ZCCHC24: variants seen among roughly 807,000 people sequenced by gnomAD.
ZCCHC24 encodes the protein zinc finger CCHC domain-containing protein 24.
In ZCCHC24, 10 loss-of-function variants were observed where a neutral mutation model predicts 26.2. That is an observed-to-expected ratio of 0.38 (90% CI 0.24 to 0.65). The LOEUF (loss-of-function observed/expected upper bound fraction) is 0.65. Ranked by LOEUF, ZCCHC24 falls within the 30% of genes least tolerant of loss-of-function variation. ZCCHC24 has a pLI of 0.54. For synonymous variants in ZCCHC24, 144 were observed against 147.1 expected, an observed-to-expected ratio of 0.98 and a Z score of 0.15; for missense variants, 243 against 329.1, an observed-to-expected ratio of 0.74 and a Z score of 2.03.
chr10:79,436,713 T>G (rs1226562414), intron 1 of ZCCHC24, among the ~76,000 whole-genome samples: 1 of 152,186 alleles, frequency 6.6e-6, no homozygotes, highest in Non-Finnish European at 1.5e-5. Flanking sequence ...AATTGACAGA[T>G]AGGGTAACAG....
chr10:79,407,784 C>T (rs896060196), intron 2 of ZCCHC24, among the ~76,000 whole-genome samples: 1 of 152,202 alleles, frequency 6.6e-6, no homozygotes, highest in Admixed American at 6.5e-5. Context: ...GGCTCCTCAC[C>T]CCAGGAGCTG....
At chr10:79,390,829 G>A (rs1327192165) in intron 3 of ZCCHC24, among the ~76,000 whole-genome samples, 1 of 152,198 alleles carries the variant, frequency 6.6e-6, no homozygotes, top group Admixed American at 6.5e-5. Flanking sequence ...GGAGAGTGGG[G>A]AAGTGGGGGG....
rs559871256 is a variant in ZCCHC24, at chr10:79,443,596, C to T, written c.246+1599G>A. ...CCACTAGCCTGTGGCTGTGAATCCCCGGGTCCTGCCCAGAGCTCAACAAAT... is the reference window on the plus strand; with the variant it reads ...CCACTAGCCTGTGGCTGTGAATCCCTGGGTCCTGCCCAGAGCTCAACAAAT... On this transcript the variant is annotated intron_variant, in intron 1 of 3. Coordinates refer to ENST00000372336, the MANE Select transcript of ZCCHC24 (RefSeq NM_153367.4). 2.3e-3 allele frequency among the ~76,000 whole-genome samples: 356 copies of T among 152,310 alleles called. 1 individual carries two copies. The highest frequency in any genetic ancestry group is 7.9e-3 in the African/African-American group (328 of 41,554).
intron 2 of ZCCHC24, among the ~76,000 whole-genome samples, chr10:79,418,008 G>A (rs1304577820): frequency 6.6e-6 from 1 of 152,204 alleles, no homozygotes; most frequent in Non-Finnish European, 1.5e-5. Flanking sequence ...CCCAACACAG[G>A]CTCCACCCTG....
At chr10:79,403,583 G>T (rs562364580) in intron 2 of ZCCHC24, 23 of 985,420 alleles carry the variant, frequency 2.3e-5, no homozygotes, top group Non-Finnish European at 2.8e-5. Flanking sequence ...GAGGAAGGAC[G>T]CGGCAAGAGG....
intron 3 of ZCCHC24, among the ~76,000 whole-genome samples, chr10:79,390,710 C>T (rs556345946): frequency 6.6e-6 from 1 of 152,336 alleles, no homozygotes; most frequent in Non-Finnish European, 1.5e-5. Flanking sequence ...GAGGGCCTCC[C>T]CCACTCCCTG....
At chr10:79,402,850 A>G (rs575480140) in intron 2 of ZCCHC24, among the ~76,000 whole-genome samples, 12 of 152,316 alleles carry the variant, frequency 7.9e-5, no homozygotes, top group African/African-American at 2.9e-4. Context: ...TTGAGAGAAA[A>G]TTAAAGAAAA....
chr10:79,411,846 C>A (rs1457230341), intron 2 of ZCCHC24, among the ~76,000 whole-genome samples: 1 of 152,126 alleles, frequency 6.6e-6, no homozygotes, highest in Non-Finnish European at 1.5e-5. Context: ...CCTGCCATCC[C>A]ACTCTGAGAA....
chr10:79,383,975 G>A lies in ZCCHC24; in HGVS notation c.*2370C>T, dbSNP rs1272260241. The stretch of plus-strand genomic sequence containing the variant: ...AACCACACACTTTCCCATCCCCTGG[G>A]CTCCTGGCCCTCTGAGCACTTAATT... On this transcript the variant is annotated 3_prime_UTR_variant, in exon 4 of 4. Transcript: ENST00000372336. 1.3e-5 allele frequency: 2 copies of A among 152,662 alleles called. No homozygotes were observed. The highest frequency in any genetic ancestry group is 2.9e-5 in the Non-Finnish European group (2 of 68,044). 9.5% of individuals were successfully genotyped at this position (152,662 alleles called of 1,614,324 possible).
chr10:79,433,086 G>A (rs1857158322), intron 1 of ZCCHC24, among the ~76,000 whole-genome samples: 1 of 152,218 alleles, frequency 6.6e-6, no homozygotes, highest in African/African-American at 2.4e-5. Context: ...TGATGTTGAT[G>A]ATGGCTATTA....
chr10:79,428,511 A>G (rs1857078108), intron 2 of ZCCHC24, among the ~76,000 whole-genome samples: 1 of 151,920 alleles, frequency 6.6e-6, no homozygotes, highest in African/African-American at 2.4e-5. Flanking sequence ...TGTGGCTGGA[A>G]GGTGGTGATG....
intron 2 of ZCCHC24, among the ~76,000 whole-genome samples, chr10:79,418,332 C>T (rs1376652964): frequency 2.6e-5 from 4 of 152,220 alleles, no homozygotes; most frequent in African/African-American, 9.7e-5. Flanking sequence ...GTAAGGTCAA[C>T]TTGGCCAATG....
intron 2 of ZCCHC24, among the ~76,000 whole-genome samples, chr10:79,416,470 C>T (rs1012790421): frequency 1.3e-5 from 2 of 152,128 alleles, no homozygotes; most frequent in Non-Finnish European, 2.9e-5. Flanking sequence ...TCTCTGAGGC[C>T]TGAGCTGGTG....
At chr10:79,400,028 C>G (rs1385683283) in intron 2 of ZCCHC24, among the ~76,000 whole-genome samples, 2 of 152,188 alleles carry the variant, frequency 1.3e-5, no homozygotes, top group Non-Finnish European at 2.9e-5. Flanking sequence ...ACTTCCAACT[C>G]TACAGTCCTC....
At chr10:79,441,354 T>C (rs1589682175) in intron 1 of ZCCHC24, among the ~76,000 whole-genome samples, 1 of 152,074 alleles carries the variant, frequency 6.6e-6, no homozygotes, top group Non-Finnish European at 1.5e-5. Flanking sequence ...GCCATGTCCA[T>C]ACAGAAGGGC....
chr10:79,416,858 A>G (rs1482012371), intron 2 of ZCCHC24, among the ~76,000 whole-genome samples: 1 of 152,154 alleles, frequency 6.6e-6, no homozygotes. Flanking sequence ...TAGAGGAGTC[A>G]ATGGGTGAAA....
chr10:79,441,079 A>AACACACACACAC (rs55762333), intron 1 of ZCCHC24, among the ~76,000 whole-genome samples: 1,922 of 135,614 alleles, frequency 0.014, 60 homozygotes, highest in African/African-American at 0.042. Context: ...CTGCCCCCTA[A>AACACACACACAC]ACACACACAC....
intron 1 of ZCCHC24, among the ~76,000 whole-genome samples, chr10:79,434,583 T>G (rs1857188099): frequency 6.6e-6 from 1 of 152,130 alleles, no homozygotes; most frequent in African/African-American, 2.4e-5. Context: ...TGAGTCACTA[T>G]CCCATTTTAC....
intron 2 of ZCCHC24, among the ~76,000 whole-genome samples, chr10:79,404,405 C>CGGAGGGGAG (rs1856680506): frequency 6.6e-6 from 1 of 151,874 alleles, no homozygotes; most frequent in Admixed American, 6.6e-5. Flanking sequence ...CGGATCAGAG[C>CGGAGGGGAG]GGAGGGGCGG....
Sources: allele counts gnomAD v4.1 joint callset (sites outside exome capture counted in the v4.1 genomes callset), GRCh38; gene constraint gnomAD v4.1.1; transcripts MANE v1.5; gene names NCBI Gene and HGNC (gene_info 2026-07-23, HGNC 2026-07-21).